The following PDE4D variants were observed in gnomAD, a reference collection of about 807,000 sequenced individuals.
The protein encoded by PDE4D is phosphodiesterase 4D.
Under a neutral mutation model 87.4 loss-of-function variants are expected in PDE4D, and 24 were observed. The observed-to-expected ratio is 0.27, with a 90% CI of 0.20 to 0.39. PDE4D has a LOEUF of 0.39. Among genes scored for constraint, PDE4D ranks in the 10% least tolerant of loss-of-function variants. The pLI, the probability that PDE4D is intolerant of heterozygous loss-of-function variation, is 1.00. For synonymous variants in PDE4D, 384 were observed against 383.2 expected, an observed-to-expected ratio of 1.00 and a Z score of -0.02; for missense variants, 714 against 1,041.0, an observed-to-expected ratio of 0.69 and a Z score of 4.32.
chr5:58,990,740 T>A, intron 9 of PDE4D, 64 bp downstream of exon 9: 1 of 845,138 alleles, frequency 1.2e-6, no homozygotes, highest in Non-Finnish European at 1.9e-6. Context: ...AATGTATGCA[T>A]AAGCTACAGA....
Position 59,126,401 on chromosome 5 carries a change from C to T in PDE4D, c.808+54194G>A, listed in dbSNP as rs115812930. Among the ~76,000 whole-genome samples the T allele has an allele frequency of 2.4e-3, 365 of 152,266 alleles. 3 individuals are homozygous for T. The highest frequency in any genetic ancestry group is 8.5e-3 in the African/African-American group (355 of 41,554). ...ATAGTAAATGTGCTTTGCTAAACTCCTTCTCCCTTTATTGACTCTATCACA... is the reference window on the plus strand; with the variant it reads ...ATAGTAAATGTGCTTTGCTAAACTCTTTCTCCCTTTATTGACTCTATCACA... On this transcript the variant is annotated intron_variant, in intron 5 of 14. Transcript: ENST00000340635.
At chr5:60,234,716 G>A (rs905992155) in intron 1 of PDE4D, among the ~76,000 whole-genome samples, 5 of 151,784 alleles carry the variant, frequency 3.3e-5, no homozygotes, top group African/African-American at 9.7e-5. Flanking sequence ...AATTCAATCT[G>A]TTTACTTGTT....
intron 1 of PDE4D, among the ~76,000 whole-genome samples, chr5:59,538,504 A>AT (rs33922784): frequency 0.57 from 86,194 of 151,822 alleles, 25,048 homozygotes; most frequent in East Asian, 0.85. Context: ...CACATATTGA[A>AT]TGCCAGTTCC....
intron 1 of PDE4D, among the ~76,000 whole-genome samples, chr5:60,332,121 C>A (rs1371217684): frequency 6.6e-6 from 1 of 152,128 alleles, no homozygotes; most frequent in African/African-American, 2.4e-5. Flanking sequence ...ATAATGACAA[C>A]TTAGAGGTGG....
At chr5:59,810,471 C>T (rs986125693) in intron 1 of PDE4D, among the ~76,000 whole-genome samples, 1 of 152,170 alleles carries the variant, frequency 6.6e-6, no homozygotes, top group Non-Finnish European at 1.5e-5. Flanking sequence ...AATGATGACT[C>T]GTTTCTACTG....
intron 1 of PDE4D, among the ~76,000 whole-genome samples, chr5:60,331,118 G>T (rs900570077): frequency 6.6e-6 from 1 of 152,190 alleles, no homozygotes; most frequent in African/African-American, 2.4e-5. Context: ...GAAAGAACTG[G>T]GAAATTATAA....
chr5:60,509,759 CT>C (rs975230381), intron 1 of PDE4D, among the ~76,000 whole-genome samples: 2 of 151,932 alleles, frequency 1.3e-5, no homozygotes, highest in Non-Finnish European at 2.9e-5. Context: ...CCACCCCTTT[CT>C]TTTTTTTGTA....
At chr5:59,133,642 G>GGCATAA (rs1776597288) in intron 5 of PDE4D, among the ~76,000 whole-genome samples, 1 of 152,090 alleles carries the variant, frequency 6.6e-6, no homozygotes, top group Non-Finnish European at 1.5e-5. Flanking sequence ...CTACCCCTTG[G>GGCATAA]GCATAAGCCA....
intron 1 of PDE4D, among the ~76,000 whole-genome samples, chr5:59,446,125 T>C (rs1798302135): frequency 6.6e-6 from 1 of 152,200 alleles, no homozygotes; most frequent in African/African-American, 2.4e-5. Context: ...AATTTGGTCA[T>C]TGTGCTATAT....
chr5:60,052,100 CTACCAGAGG>C (rs1336146798), intron 2 of PDE4D, among the ~76,000 whole-genome samples: 2 of 152,170 alleles, frequency 1.3e-5, no homozygotes, highest in Middle Eastern at 3.2e-3. Context: ...CAACTGAATT[CTACCAGAGG>C]TACAAAGAGG....
chr5:59,184,472 T>A (rs1445352711), intron 4 of PDE4D, among the ~76,000 whole-genome samples: 1 of 152,184 alleles, frequency 6.6e-6, no homozygotes, highest in Admixed American at 6.5e-5. Flanking sequence ...TACTATCCTC[T>A]TAATATGATT....
At chr5:60,463,281 G>A (rs912629593) in intron 1 of PDE4D, among the ~76,000 whole-genome samples, 10 of 152,070 alleles carry the variant, frequency 6.6e-5, no homozygotes, top group South Asian at 2.1e-4. Flanking sequence ...CATCCTTGGC[G>A]TCTAGTTAAT....
chr5:59,512,821 C>A (rs1304431047), intron 1 of PDE4D, among the ~76,000 whole-genome samples: 1 of 151,852 alleles, frequency 6.6e-6, no homozygotes, highest in African/African-American at 2.4e-5. Flanking sequence ...AATAGCAATG[C>A]CACTGAACAG....
At chr5:59,126,953 C>T (rs535946313) in intron 5 of PDE4D, among the ~76,000 whole-genome samples, 1 of 152,022 alleles carries the variant, frequency 6.6e-6, no homozygotes, top group African/African-American at 2.4e-5. Context: ...TGAAAGGATT[C>T]GATCAATTGT....
intron 1 of PDE4D, among the ~76,000 whole-genome samples, chr5:59,636,032 CAA>C (rs1832195418): frequency 6.6e-6 from 1 of 152,186 alleles, no homozygotes; most frequent in Admixed American, 6.6e-5. Flanking sequence ...GCAACTTCAG[CAA>C]AGTCTCAGGA....
At chr5:59,320,182 G>A (rs1419939276) in intron 1 of PDE4D, among the ~76,000 whole-genome samples, 1 of 152,080 alleles carries the variant, frequency 6.6e-6, no homozygotes, top group African/African-American at 2.4e-5. Flanking sequence ...GCGCATGCAT[G>A]TGCGTGTGCA....
At chr5:59,942,824 G>A (rs1242427377) in intron 3 of PDE4D, among the ~76,000 whole-genome samples, 2 of 125,680 alleles carry the variant, frequency 1.6e-5, no homozygotes, top group Middle Eastern at 5.1e-3. Context: ...CAAGAGATGA[G>A]GCAGTCATTA....
At chr5:59,765,352 G>T (rs879375286) in intron 1 of PDE4D, among the ~76,000 whole-genome samples, 2 of 152,174 alleles carry the variant, frequency 1.3e-5, no homozygotes, top group Admixed American at 1.3e-4. Context: ...GTTATTCTAA[G>T]AATTCAACAA....
intron 1 of PDE4D, among the ~76,000 whole-genome samples, chr5:59,672,422 T>C (rs1747370336): frequency 6.6e-6 from 1 of 152,144 alleles, no homozygotes; most frequent in Non-Finnish European, 1.5e-5. Flanking sequence ...TTCAATGCAG[T>C]CAATGAACCA....
Sources: allele counts gnomAD v4.1 joint callset (sites outside exome capture counted in the v4.1 genomes callset), GRCh38; gene constraint gnomAD v4.1.1; transcripts MANE v1.5; gene names NCBI Gene and HGNC (gene_info 2026-07-23, HGNC 2026-07-21).